LTBP2: variants seen among roughly 807,000 people sequenced by gnomAD.
LTBP2 encodes the protein latent-transforming growth factor beta-binding protein 2.
LTBP2 carries 103 observed loss-of-function variants against 210.6 expected under a neutral mutation model. The ratio of observed to expected loss-of-function variants is 0.49; its 90% CI spans 0.42 to 0.58. The LOEUF (loss-of-function observed/expected upper bound fraction) is 0.58, where lower values mean the gene tolerates loss of function less well. Among genes scored for constraint, LTBP2 ranks in the 20% least tolerant of loss-of-function variants. The probability of loss-of-function intolerance (pLI) is 0.00; values close to 1 mark genes in which losing one functional copy is unlikely to be tolerated. For synonymous variants in LTBP2, 1,007 were observed against 1,015.0 expected (o/e 0.99, Z 0.15); for missense variants, 2,313 against 2,494.5 (o/e 0.93, Z 1.55).
At chr14:74,502,994 T>A in intron 33 of LTBP2, 60 bp from the exon 34 acceptor site, 1 of 1,592,836 alleles carries the variant, frequency 6.3e-7, no homozygotes, top group Non-Finnish European at 8.5e-7. Flanking sequence ...AAAGCCTGGC[T>A]GGCTTTGTCT....
intron 8 of LTBP2, among the ~76,000 whole-genome samples, chr14:74,536,389 T>G (rs1015945533): frequency 8.5e-5 from 13 of 152,180 alleles, no homozygotes; most frequent in African/African-American, 3.1e-4. Context: ...GTTCAAAGGA[T>G]CTGTTGTACG....
intron 9 of LTBP2, among the ~76,000 whole-genome samples, chr14:74,533,700 G>A (rs2087380938): frequency 6.6e-6 from 1 of 152,198 alleles, no homozygotes; most frequent in South Asian, 2.1e-4. Flanking sequence ...GAAACCCGTG[G>A]AGGCTCATGC....
intron 27 of LTBP2, 119 bp from the exon 28 acceptor site, chr14:74,506,310 A>AG: frequency 7.3e-7 from 1 of 1,366,442 alleles, no homozygotes; most frequent in Non-Finnish European, 1.0e-6. Flanking sequence ...AAACAAGAGT[A>AG]AGTATAGATT....
Position 74,508,824 on chromosome 14 carries a change from A to C in LTBP2, c.3526+6T>G. On this transcript the variant is annotated splice_donor_region_variant and intron_variant, in intron 23 of 35. Coordinates refer to ENST00000261978, the MANE Select transcript of LTBP2 (RefSeq NM_000428.3). Reference sequence around the variant, plus strand: ...CACCCCCAGTAGGGTGACCTGGGTCACTCACCCTCACACACGGTGCCATTG... The same window carrying C: ...CACCCCCAGTAGGGTGACCTGGGTCCCTCACCCTCACACACGGTGCCATTG... 6.2e-7 allele frequency: 1 copy of C among 1,613,272 alleles called. No homozygotes were observed. Among genetic ancestry groups the C allele is most frequent in the Non-Finnish European group, 8.5e-7 (1 of 1,179,832 alleles).
chr14:74,586,146 CA>C lies in LTBP2; in HGVS notation c.566-29del. On this transcript the variant is annotated intron_variant, in intron 2 of 35. Coordinates refer to ENST00000261978, the MANE Select transcript of LTBP2 (RefSeq NM_000428.3). This position sits in a 1 kb window ranked among gnomAD's most constrained non-coding sequence, Gnocchi z 4.6. ...GAGGACACAGGGAGAGAGGTGACAG[CA>C]GTGGCCATAGGGCACTGAGACCACA... 6.3e-7 allele frequency: 1 copy of C among 1,580,032 alleles called. No homozygotes were observed. The highest frequency in any genetic ancestry group is 8.6e-7 in the Non-Finnish European group (1 of 1,164,456).
At position 74,515,662 on chromosome 14, in the gene LTBP2, G is replaced by A. The variant is rs576697234; in HGVS notation, c.2908+1160C>T. ...GTCAAATTCACAGTGTCATTATGAT[G>A]CTTAAATGAGGTAATCTATTGAGGA... On this transcript the variant is annotated intron_variant, in intron 18 of 35. Coordinates refer to ENST00000261978, the MANE Select transcript of LTBP2 (RefSeq NM_000428.3). Among the ~76,000 whole-genome samples the A allele has an allele frequency of 2.0e-5, 3 of 152,260 alleles. No individual in the cohort carries two copies. The South Asian group carries it at 6.2e-4, about 32-fold the overall frequency.
intron 18 of LTBP2, among the ~76,000 whole-genome samples, chr14:74,514,356 T>C (rs931930705): frequency 6.6e-6 from 1 of 152,172 alleles, no homozygotes; most frequent in Non-Finnish European, 1.5e-5. Context: ...TGGGAGAGTA[T>C]GCCTCAAACT....
chr14:74,571,974 C>A (rs1243524440), intron 3 of LTBP2, among the ~76,000 whole-genome samples: 5 of 143,750 alleles, frequency 3.5e-5, no homozygotes, highest in South Asian at 2.2e-4. Context: ...AAAAAAAAAA[C>A]CCACAGAATG....
At chr14:74,555,047 G>A (rs1214316535) in intron 4 of LTBP2, among the ~76,000 whole-genome samples, 1 of 152,034 alleles carries the variant, frequency 6.6e-6, no homozygotes, top group Non-Finnish European at 1.5e-5. Flanking sequence ...ACAGGGAGGG[G>A]TTGTCAGGCA....
intron 8 of LTBP2, among the ~76,000 whole-genome samples, chr14:74,537,322 T>C (rs1234840438): frequency 6.6e-6 from 1 of 152,234 alleles, no homozygotes. Context: ...GGGAATACTA[T>C]CTTTTGTGGA....
At chr14:74,558,007 G>A (rs961743476) in intron 3 of LTBP2, among the ~76,000 whole-genome samples, 14 of 152,308 alleles carry the variant, frequency 9.2e-5, no homozygotes, top group East Asian at 1.9e-4. Context: ...AGTGGGATAA[G>A]GCCCTGGGAT....
chr14:74,552,116 C>G, intron 6 of LTBP2, 71 bp downstream of exon 6: 1 of 1,415,680 alleles, frequency 7.1e-7, no homozygotes, highest in Non-Finnish European at 9.7e-7. Flanking sequence ...CCTGTCACAG[C>G]CATGGTGACA....
intron 1 of LTBP2, among the ~76,000 whole-genome samples, chr14:74,607,482 T>A (rs1408090342): frequency 1.3e-5 from 2 of 152,130 alleles, no homozygotes; most frequent in African/African-American, 2.4e-5. Flanking sequence ...AGCAAAAAAA[T>A]TCAGTAGAAT....
Position 74,506,719 on chromosome 14 carries a change from G to T in LTBP2, c.4012C>A (p.Pro1338Thr). 1 of 1,613,810 alleles carries T rather than the reference G, an allele frequency of 6.2e-7. No individual in the cohort carries two copies. Among genetic ancestry groups the T allele is most frequent in the Non-Finnish European group, 8.5e-7 (1 of 1,180,028 alleles). ...TCACCCACACAGTCCCAGCCTGAGG[G>T]AGAGATCTCGAAGCCCTGGTCACAG... The part of the protein sequence containing the change: ...CLCDQGFEIS[P>T]SGWDCVDVNE... The change falls in exon 27 of 36, where the codon CCC (proline) becomes ACC (threonine). Residue 1338 changes from proline (P) to threonine (T), a missense_variant. By Grantham distance (38) the Pro-to-Thr change is conservative. Coordinates refer to ENST00000261978, the MANE Select transcript of LTBP2 (RefSeq NM_000428.3).
chr14:74,505,597 C>T (rs2086972426), intron 28 of LTBP2, among the ~76,000 whole-genome samples: 1 of 152,140 alleles, frequency 6.6e-6, no homozygotes, highest in Non-Finnish European at 1.5e-5. Flanking sequence ...CTCACTTTCC[C>T]CCAAGGCAGT....
intron 10 of LTBP2, among the ~76,000 whole-genome samples, chr14:74,531,737 T>C (rs1223201029): frequency 6.6e-6 from 1 of 152,218 alleles, no homozygotes; most frequent in African/African-American, 2.4e-5. Flanking sequence ...CAGTTGGGAC[T>C]GGTTTTATTC....
intron 16 of LTBP2, 110 bp downstream of exon 16, chr14:74,522,680 C>T: frequency 1.5e-6 from 2 of 1,339,864 alleles, no homozygotes; most frequent in Non-Finnish European, 2.0e-6. Flanking sequence ...CATCAACCAC[C>T]CAGCACTGCT....
In LTBP2 at chr14:74,600,415, T is replaced by G. The variant is rs369318362; in HGVS notation, c.565+3220A>C. ...GGAGAAGGTATGGCAGCATCCTACCTCAGCATCCTGGCGCAGCACCCACTG... is the reference window on the plus strand; with the variant it reads ...GGAGAAGGTATGGCAGCATCCTACCGCAGCATCCTGGCGCAGCACCCACTG... On this transcript the variant is annotated intron_variant, in intron 2 of 35. Transcript: ENST00000261978. 2.5e-4 allele frequency among the ~76,000 whole-genome samples: 38 copies of G among 152,112 alleles called. No homozygotes were observed. In the East Asian group the frequency reaches 6.6e-3, roughly 26 times the overall value.
chr14:74,593,921 A>G (rs956720323), intron 2 of LTBP2, among the ~76,000 whole-genome samples: 1 of 152,184 alleles, frequency 6.6e-6, no homozygotes, highest in South Asian at 2.1e-4. Context: ...TGTTGTGAGG[A>G]TTAAAAATGA....
Sources: allele counts gnomAD v4.1 joint callset (sites outside exome capture counted in the v4.1 genomes callset), GRCh38; gene constraint gnomAD v4.1.1; non-coding constraint Gnocchi (gnomAD v3.1); transcripts MANE v1.5; gene names NCBI Gene and HGNC (gene_info 2026-07-23, HGNC 2026-07-21).